Variants in CAMK1D observed in about 807,000 individuals in gnomAD.
The protein encoded by CAMK1D is calcium/calmodulin-dependent protein kinase type 1D.
CAMK1D carries 9 observed loss-of-function variants against 47.7 expected under a neutral mutation model. The observed-to-expected ratio is 0.19, with a 90% confidence interval of 0.11 to 0.33. CAMK1D has a LOEUF of 0.33. Ranked by LOEUF, CAMK1D falls within the 10% of genes least tolerant of loss-of-function variation. The pLI is 1.00. For synonymous variants in CAMK1D, 184 were observed against 184.9 expected (o/e 0.99, Z 0.04); for missense variants, 291 against 488.7 (o/e 0.60, Z 3.81).
Position 12,739,244 on chromosome 10 carries a change from GA to G in CAMK1D, c.300-21698del, listed in dbSNP as rs1421640018. 5.3e-5 allele frequency among the ~76,000 whole-genome samples: 8 copies of G among 151,920 alleles called. No individual in the cohort carries two copies. In the South Asian group the frequency reaches 1.7e-3, roughly 32 times the overall value. ...AGAGAGAAACCCTGTCTCAGAAAAA[GA>G]AAAAAGGTTAATACAAAATGAGATA... On this transcript the variant is annotated intron_variant, in intron 3 of 10. Coordinates refer to ENST00000619168, the MANE Select transcript of CAMK1D (RefSeq NM_153498.4).
intron 8 of CAMK1D, among the ~76,000 whole-genome samples, chr10:12,821,951 G>T (rs1388438783): frequency 2.0e-5 from 3 of 152,126 alleles, no homozygotes; most frequent in African/African-American, 7.2e-5. Flanking sequence ...TCCAGCCTGG[G>T]CGACAGAGCA....
intron 2 of CAMK1D, among the ~76,000 whole-genome samples, chr10:12,665,995 A>G (rs1030934579): frequency 1.3e-5 from 2 of 152,050 alleles, no homozygotes; most frequent in African/African-American, 4.8e-5. Flanking sequence ...GCATCTTATT[A>G]CAATACTGAT....
intron 3 of CAMK1D, among the ~76,000 whole-genome samples, chr10:12,684,328 T>A (rs1383420189): frequency 6.6e-6 from 1 of 152,042 alleles, no homozygotes; most frequent in Non-Finnish European, 1.5e-5. Context: ...GGGTCAGATG[T>A]GCTAAGAAAG....
At chr10:12,648,087 T>C (rs1001949703) in intron 2 of CAMK1D, among the ~76,000 whole-genome samples, 2 of 152,202 alleles carry the variant, frequency 1.3e-5, no homozygotes, top group African/African-American at 4.8e-5. Context: ...GGTAGAACAT[T>C]CTTTATTGAA....
At chr10:12,824,211 A>G (rs551676323) in intron 8 of CAMK1D, among the ~76,000 whole-genome samples, 2 of 152,200 alleles carry the variant, frequency 1.3e-5, no homozygotes, top group African/African-American at 4.8e-5. Flanking sequence ...GTAGTCAACC[A>G]GGAGGGCGCT....
intron 2 of CAMK1D, among the ~76,000 whole-genome samples, chr10:12,602,876 CAT>C (rs1392493949): frequency 2.5e-5 from 2 of 81,124 alleles, no homozygotes; most frequent in Non-Finnish European, 6.2e-5. Flanking sequence ...ATAAGCATCA[CAT>C]GTCTTTCTAA....
chr10:12,718,873 T>C (rs1047066185), intron 3 of CAMK1D, among the ~76,000 whole-genome samples: 3 of 152,150 alleles, frequency 2.0e-5, no homozygotes, highest in African/African-American at 7.2e-5. Flanking sequence ...TAACTCTCCC[T>C]AAGACAGCAC....
At chr10:12,354,646 G>C (rs1055646281) in intron 1 of CAMK1D, among the ~76,000 whole-genome samples, 2 of 151,674 alleles carry the variant, frequency 1.3e-5, no homozygotes, top group African/African-American at 2.4e-5. Flanking sequence ...TCCTGACCTC[G>C]TGATCCGCCT....
intron 1 of CAMK1D, among the ~76,000 whole-genome samples, chr10:12,428,691 C>A (rs1283030641): frequency 6.6e-6 from 1 of 152,202 alleles, no homozygotes; most frequent in Non-Finnish European, 1.5e-5. Context: ...ACCCAGCTTC[C>A]TTACTGTTAG....
At chr10:12,699,369 A>G (rs1833420911) in intron 3 of CAMK1D, among the ~76,000 whole-genome samples, 1 of 152,034 alleles carries the variant, frequency 6.6e-6, no homozygotes, top group South Asian at 2.1e-4. Context: ...TTTCTGGGAA[A>G]AAGCGTTGTA....
chr10:12,609,636 G>A (rs554775837), intron 2 of CAMK1D, among the ~76,000 whole-genome samples: 224 of 152,296 alleles, frequency 1.5e-3, no homozygotes, highest in African/African-American at 5.1e-3. Context: ...TGCCACCACT[G>A]ATCTGACAGG....
intron 1 of CAMK1D, among the ~76,000 whole-genome samples, chr10:12,466,404 T>C (rs542401354): frequency 2.6e-5 from 4 of 152,052 alleles, no homozygotes; most frequent in African/African-American, 9.7e-5. Context: ...CGAGATTCTG[T>C]CTCAAAACAA....
rs1211587472 is a variant in CAMK1D, at chr10:12,520,150, C to T, written c.93-33075C>T. Among the ~76,000 whole-genome samples the T allele has an allele frequency of 5.3e-5, 4 of 75,824 alleles. 1 individual carries two copies. The highest frequency in any genetic ancestry group is 1.0e-4 in the African/African-American group (2 of 19,360). The allele number at this position is 75,824 out of a possible 152,430, so 49.7% of individuals were successfully genotyped here. A position where few individuals can be genotyped will look rare whatever the true frequency, so the allele number is the denominator to read the frequency against. On this transcript the variant is annotated intron_variant, in intron 1 of 10. Transcript: ENST00000619168. ...CTTCCCAGATGGGGTGGCTGCCGGACGGAGGGGCTCCCCACTTCTCAGACG... is the reference window on the plus strand; with the variant it reads ...CTTCCCAGATGGGGTGGCTGCCGGATGGAGGGGCTCCCCACTTCTCAGACG...
At chr10:12,758,885 G>T (rs7084588) in intron 3 of CAMK1D, among the ~76,000 whole-genome samples, 52,538 of 152,080 alleles carry the variant, frequency 0.35, 10,193 homozygotes, top group Non-Finnish European at 0.44. Context: ...AAGCCCTGGA[G>T]ACAGCAGTTA....
chr10:12,349,654 G>T lies in CAMK1D; in HGVS notation c.-165G>T. 6.3e-6 allele frequency: 1 copy of T among 159,282 alleles called. No homozygotes were observed. The allele number at this position is 159,282 out of a possible 1,614,324, so 9.9% of individuals were successfully genotyped here. A position where few individuals can be genotyped will look rare whatever the true frequency, so the allele number is the denominator to read the frequency against. ...GAAATAAGAGCCAGGGAGGGACCGC[G>T]GCCGCGGCGGCGGCGGCGAGAGCGA... On this transcript the variant is annotated 5_prime_UTR_variant, in exon 1 of 11. Transcript: ENST00000619168.
chr10:12,506,192 G>A (rs1171112660), intron 1 of CAMK1D, among the ~76,000 whole-genome samples: 1 of 152,142 alleles, frequency 6.6e-6, no homozygotes, highest in East Asian at 1.9e-4. Context: ...GCTGAGGTGG[G>A]AGGATCACTT....
intron 1 of CAMK1D, among the ~76,000 whole-genome samples, chr10:12,504,258 G>A (rs1424623098): frequency 7.2e-6 from 1 of 138,274 alleles, no homozygotes; most frequent in East Asian, 2.2e-4. Flanking sequence ...ACATCTAGGA[G>A]CTGGAGACCC....
rs1833486488 is a variant in CAMK1D, at chr10:12,835,246, A to T, written c.*6359A>T. 6.6e-6 allele frequency: 1 copy of T among 152,204 alleles called. No homozygotes were observed. The highest frequency in any genetic ancestry group is 1.5e-5 in the Non-Finnish European group (1 of 68,032). 9.4% of individuals were successfully genotyped at this position (152,204 alleles called of 1,614,324 possible). A position where few individuals can be genotyped will look rare whatever the true frequency, so the allele number is the denominator to read the frequency against. On this transcript the variant is annotated 3_prime_UTR_variant, in exon 11 of 11. Coordinates refer to ENST00000619168, the MANE Select transcript of CAMK1D (RefSeq NM_153498.4). ...TGAGCATGCTTCCCAAAAAATTACA[A>T]CATCAAAACCAGGAATGTCCCCGCA...
At chr10:12,622,531 C>CGTGT (rs147253239) in intron 2 of CAMK1D, among the ~76,000 whole-genome samples, 7 of 149,712 alleles carry the variant, frequency 4.7e-5, no homozygotes, top group Non-Finnish European at 1.0e-4. Flanking sequence ...TGTGTGTGTA[C>CGTGT]GTGTGTGTGT....
Sources: allele counts gnomAD v4.1 joint callset (sites outside exome capture counted in the v4.1 genomes callset), GRCh38; gene constraint gnomAD v4.1.1; transcripts MANE v1.5; gene names NCBI Gene and HGNC (gene_info 2026-07-23, HGNC 2026-07-21).